The following STOX1 variants were observed in gnomAD, a reference collection of about 807,000 sequenced individuals.
STOX1 encodes the protein storkhead box 1.
In STOX1, 57 loss-of-function variants were observed where a neutral mutation model predicts 74.8. The observed-to-expected ratio is 0.76, with a 90% CI of 0.62 to 0.95. The LOEUF is 0.95. STOX1 is among the 40% of genes least tolerant of loss of function. The pLI is 0.00. For missense variants in STOX1, 1,010 were observed against 1,117.0 expected, an observed-to-expected ratio of 0.90 and a Z score of 1.37; for synonymous variants, 375 against 401.3, an observed-to-expected ratio of 0.93 and a Z score of 0.78.
chr10:68,875,462 A>G (rs1840651589), intron 1 of STOX1, among the ~76,000 whole-genome samples: 1 of 151,960 alleles, frequency 6.6e-6, no homozygotes. Flanking sequence ...AGATGTTTCT[A>G]TTTGTCATGG....
downstream of STOX1, among the ~76,000 whole-genome samples, chr10:68,893,758 A>C (rs1350431351): frequency 1.3e-5 from 2 of 152,156 alleles, no homozygotes; most frequent in Non-Finnish European, 2.9e-5. Flanking sequence ...CAGATGGTGG[A>C]GATAGAATGT....
chr10:68,848,873 T>C (rs2133530683), intron 1 of STOX1, among the ~76,000 whole-genome samples: 1 of 152,290 alleles, frequency 6.6e-6, no homozygotes, highest in Middle Eastern at 3.4e-3. Context: ...TCTTGCTGTG[T>C]TTCCCAGGCT....
intron 1 of STOX1, among the ~76,000 whole-genome samples, chr10:68,830,897 T>A (rs961463640): frequency 2.6e-5 from 4 of 152,176 alleles, no homozygotes; most frequent in Non-Finnish European, 4.4e-5. Flanking sequence ...CTGGTCTAAC[T>A]TGGGGTCCCT....
chr10:68,834,435 A>G (rs1839490547), intron 1 of STOX1, among the ~76,000 whole-genome samples: 1 of 152,186 alleles, frequency 6.6e-6, no homozygotes, highest in South Asian at 2.1e-4. Context: ...TGGTAAGGAA[A>G]GGGAGTGGTC....
intron 1 of STOX1, chr10:68,828,932 A>G (rs1025227880): frequency 1.0e-6 from 1 of 984,562 alleles, no homozygotes; most frequent in Non-Finnish European, 1.2e-6. Context: ...ATAGCTTCTC[A>G]TTTGAGAAAC....
At chr10:68,893,927 TC>T (rs965717568), downstream of STOX1, among the ~76,000 whole-genome samples, 3 of 152,232 alleles carry the variant, frequency 2.0e-5, no homozygotes, top group Admixed American at 6.5e-5. Context: ...TAGAATTTTT[TC>T]TGTTAAGCTT....
chr10:68,886,699 C>A lies in STOX1; in HGVS notation c.2822+81C>A. ...ATCCCAGCATTTTGGGAGGCCGAGG[C>A]GGGCAGATCACGAGGTCAAGAGATT... On this transcript the variant is annotated intron_variant, in intron 3 of 3. Coordinates refer to ENST00000298596, the MANE Select transcript of STOX1 (RefSeq NM_152709.5). 8.4e-6 allele frequency: 11 copies of A among 1,307,704 alleles called. No homozygotes were observed. The East Asian group carries it at 9.7e-5, about 12-fold the overall frequency. 81.0% of individuals were successfully genotyped at this position (1,307,704 alleles called of 1,614,324 possible).
chr10:68,874,050 T>G (rs7095443), intron 1 of STOX1, among the ~76,000 whole-genome samples: 1 of 117,290 alleles, frequency 8.5e-6, no homozygotes, highest in Non-Finnish European at 1.6e-5. Context: ...TAAATCCACC[T>G]TGGGAAAGTT....
chr10:68,848,076 T>C (rs1163175), intron 1 of STOX1, among the ~76,000 whole-genome samples: 150,587 of 152,328 alleles, frequency 0.99, 74,451 homozygotes, highest in Middle Eastern at 1. Context: ...TCCATCTTGC[T>C]TGGAATAGAT....
At chr10:68,841,838 C>G (rs190427290) in intron 1 of STOX1, among the ~76,000 whole-genome samples, 1 of 152,118 alleles carries the variant, frequency 6.6e-6, no homozygotes, top group Non-Finnish European at 1.5e-5. Flanking sequence ...ATGTTGGAGG[C>G]GTTCCTGGGA....
chr10:68,871,988 CT>C (rs1462747927), intron 1 of STOX1, among the ~76,000 whole-genome samples: 1 of 152,150 alleles, frequency 6.6e-6, no homozygotes. Flanking sequence ...TCTTGGATTA[CT>C]TTGAACAAAA....
chr10:68,862,862 A>AT (rs1486002677), intron 1 of STOX1, among the ~76,000 whole-genome samples: 9 of 152,038 alleles, frequency 5.9e-5, no homozygotes, highest in African/African-American at 1.7e-4. Context: ...AAGTACATTC[A>AT]TTTTTTCTGA....
intron 1 of STOX1, among the ~76,000 whole-genome samples, chr10:68,866,486 T>A (rs1336260851): frequency 6.6e-6 from 1 of 152,188 alleles, no homozygotes; most frequent in Non-Finnish European, 1.5e-5. Flanking sequence ...TTCTTTTAGT[T>A]TCACTTTTTC....
In STOX1 at chr10:68,885,374, A is replaced by G. The variant is rs750087750; in HGVS notation, c.1578A>G (p.Pro526=). Residue 526 remains proline (P), a synonymous_variant, in exon 3 of 4, where the codon CCA becomes CCG. Transcript: ENST00000298596. ...TSDLKPSQTG[P]KEKPFQKPRS... Reference sequence around the variant, plus strand: ...ATCTGAAACCCAGCCAGACTGGACCAAAGGAAAAGCCTTTCCAAAAGCCTA... The same window carrying G: ...ATCTGAAACCCAGCCAGACTGGACCGAAGGAAAAGCCTTTCCAAAAGCCTA... The G allele has an allele frequency of 1.2e-5, 20 of 1,614,082 alleles. No individual in the cohort carries two copies. In the South Asian group the frequency reaches 2.0e-4, roughly 16 times the overall value.
In STOX1 at chr10:68,863,938, T is replaced by TC. The variant is rs2133565475; in HGVS notation, c.311-18019dup. On this transcript the variant is annotated intron_variant, in intron 1 of 3. Transcript: ENST00000298596. ...TCTGCTTGTTTTTTTTTTTTTTTTT[T>TC]CTCTGAGACAAAGTCTCGCTCTCTC... Among the ~76,000 whole-genome samples, 3 of 151,014 alleles carry TC rather than the reference T, an allele frequency of 2.0e-5. No individual in the cohort carries two copies. The South Asian group carries it at 6.3e-4, about 32-fold the overall frequency.
intron 1 of STOX1, among the ~76,000 whole-genome samples, chr10:68,831,712 C>T (rs1476530303): frequency 1.3e-5 from 2 of 152,108 alleles, no homozygotes; most frequent in Non-Finnish European, 2.9e-5. Flanking sequence ...TAGACCTGAA[C>T]TTAAGTCATG....
At chr10:68,851,192 A>C (rs1839974402) in intron 1 of STOX1, among the ~76,000 whole-genome samples, 1 of 151,074 alleles carries the variant, frequency 6.6e-6, no homozygotes, top group Non-Finnish European at 1.5e-5. Context: ...GGTCCCAGCT[A>C]CTCAGGAGGC....
intron 1 of STOX1, among the ~76,000 whole-genome samples, chr10:68,871,885 C>T (rs1269946267): frequency 1.3e-5 from 2 of 152,154 alleles, no homozygotes; most frequent in African/African-American, 4.8e-5. Flanking sequence ...ACAAATGCTT[C>T]AATTTTTCAA....
chr10:68,865,001 T>G (rs916149762), intron 1 of STOX1, among the ~76,000 whole-genome samples: 4 of 152,094 alleles, frequency 2.6e-5, no homozygotes, highest in Non-Finnish European at 2.9e-5. Context: ...GAGTAAGGAG[T>G]AGTAGTCTGA....
Sources: allele counts gnomAD v4.1 joint callset (sites outside exome capture counted in the v4.1 genomes callset), GRCh38; gene constraint gnomAD v4.1.1; transcripts MANE v1.5; gene names NCBI Gene and HGNC (gene_info 2026-07-23, HGNC 2026-07-21).